Variants in PTPN4 observed in about 807,000 individuals in gnomAD.
PTPN4 encodes protein tyrosine phosphatase non-receptor type 4.
A neutral mutation model predicts 135.5 loss-of-function variants in PTPN4; 49 were observed. That is an observed-to-expected ratio of 0.36 (90% CI 0.29 to 0.46). PTPN4 has a LOEUF of 0.46. PTPN4 is among the 20% of genes least tolerant of loss of function. The pLI, the probability that PTPN4 is intolerant of heterozygous loss-of-function variation, is 1.00. For synonymous variants in PTPN4, 333 were observed against 369.9 expected (o/e 0.90, Z 1.14); for missense variants, 860 against 1,101.0 (o/e 0.78, Z 3.10).
In PTPN4 at chr2:119,984,127, A is replaced by G. The variant is rs999799978; in HGVS notation, c.*7057A>G. 8.5e-5 allele frequency among the ~76,000 whole-genome samples: 13 copies of G among 152,218 alleles called. No homozygotes were observed. Among genetic ancestry groups the G allele is most frequent in the African/African-American group, 2.9e-4 (12 of 41,456 alleles). ...GTGTTCTCCAGCATCAGGACATTAC[A>G]GTTGTAATCTATGTTGTAATCTTTT... On this transcript the variant is annotated 3_prime_UTR_variant, in exon 27 of 27. Coordinates refer to ENST00000263708, the MANE Select transcript of PTPN4 (RefSeq NM_002830.4).
At position 119,760,530 on chromosome 2, in the gene PTPN4, AAAACAAAC is replaced by A. The variant is rs146701090; in HGVS notation, c.-18+162_-18+169del. ...ATTTGAAAGGAAGGAAAAAAGGACA[AAAACAAAC>A]AAACAAACAAACAAAAAAACGCTTT... On this transcript the variant is annotated intron_variant, in intron 1 of 26. Transcript: ENST00000263708. 2.2e-3 allele frequency: 843 copies of A among 377,884 alleles called. 1 individual carries two copies. The highest frequency in any genetic ancestry group is 3.1e-3 in the Non-Finnish European group (664 of 213,546). The allele number at this position is 377,884 out of a possible 1,614,324, so 23.4% of individuals were successfully genotyped here.
rs142745501 is a variant in PTPN4 at position 119,804,357 on chromosome 2, G to C, written c.-17-5480G>C. ...AAGTTTGTTACATAGGTATACATGT[G>C]CCATGTTTGTTTGCTGCACCCATTA... On this transcript the variant is annotated intron_variant, in intron 1 of 26. Transcript: ENST00000263708. 3.9e-4 allele frequency among the ~76,000 whole-genome samples: 59 copies of C among 152,076 alleles called. No individual in the cohort carries two copies. The East Asian group carries it at 9.7e-3, about 25-fold the overall frequency.
At chr2:119,921,437 C>T (rs1024459089) in intron 12 of PTPN4, among the ~76,000 whole-genome samples, 23 of 152,060 alleles carry the variant, frequency 1.5e-4, no homozygotes, top group African/African-American at 4.3e-4. Context: ...TTGTAATCTC[C>T]GTAAAAATAA....
intron 25 of PTPN4, among the ~76,000 whole-genome samples, chr2:119,967,561 T>G (rs1209754954): frequency 1.3e-5 from 2 of 152,238 alleles, no homozygotes; most frequent in African/African-American, 4.8e-5. Context: ...CCAGTAAGCT[T>G]CTATTCCTTG....
At chr2:119,808,530 C>CCCT (rs1691523126) in intron 1 of PTPN4, among the ~76,000 whole-genome samples, 2 of 152,148 alleles carry the variant, frequency 1.3e-5, no homozygotes, top group African/African-American at 4.8e-5. Flanking sequence ...TGTGAAGGAC[C>CCCT]TGTTCAAGGA....
chr2:119,839,649 G>A (rs58796227), intron 2 of PTPN4, among the ~76,000 whole-genome samples: 3,325 of 152,260 alleles, frequency 0.022, 117 homozygotes, highest in African/African-American at 0.075. Context: ...AAGTGTTCAA[G>A]TATTTCTTAT....
In PTPN4 at chr2:119,969,552, CTTTTTTTTTT is replaced by C. The variant is rs35531556; in HGVS notation, c.2694+1595_2694+1604del. Among the ~76,000 whole-genome samples the C allele has an allele frequency of 1.3e-4, 15 of 113,898 alleles. No homozygotes were observed. The Admixed American group carries it at 1.4e-3, about 11-fold the overall frequency. The allele number at this position is 113,898 out of a possible 152,430, so 74.7% of individuals were successfully genotyped here. A position where few individuals can be genotyped will look rare whatever the true frequency, so the allele number is the denominator to read the frequency against. ...AATTATCAAGAAATGTAATCAATTT[CTTTTTTTTTT>C]TTTTTTTTTTTTTTGAGACGGAGTC... On this transcript the variant is annotated intron_variant, in intron 26 of 26. Transcript: ENST00000263708.
At chr2:119,866,019 C>T (rs1413237573) in intron 3 of PTPN4, among the ~76,000 whole-genome samples, 2 of 152,098 alleles carry the variant, frequency 1.3e-5, no homozygotes, top group East Asian at 3.9e-4. Context: ...ATTTCTCCTG[C>T]TTTAATTTAA....
intron 2 of PTPN4, among the ~76,000 whole-genome samples, chr2:119,839,470 G>A (rs867142711): frequency 3.3e-5 from 5 of 152,170 alleles, no homozygotes; most frequent in Admixed American, 2.0e-4. Flanking sequence ...ATTACTAAAT[G>A]TTGCCTTTGT....
chr2:119,891,746 A>G (rs1465112663), intron 9 of PTPN4, among the ~76,000 whole-genome samples: 1 of 152,210 alleles, frequency 6.6e-6, no homozygotes, highest in African/African-American at 2.4e-5. Flanking sequence ...TTTCAAGTCA[A>G]TAATTTGAAT....
Position 119,973,655 on chromosome 2 carries a change from GTTTTTTTTTT to G in PTPN4, c.2695-3311_2695-3302del, listed in dbSNP as rs70949378. 8.1e-4 allele frequency among the ~76,000 whole-genome samples: 31 copies of G among 38,392 alleles called. No homozygotes were observed. In the South Asian group the frequency reaches 0.023, roughly 28 times the overall value. 25.2% of individuals were successfully genotyped at this position (38,392 alleles called of 152,430 possible). A position where few individuals can be genotyped will look rare whatever the true frequency, so the allele number is the denominator to read the frequency against. Reference sequence around the variant, plus strand: ...TTGAAAGCTTCCTCCTTCATTTCTTGTTTTTTTTTTTTTTTTTTTTTTTTTTTGGTAATTT... The same window carrying G: ...TTGAAAGCTTCCTCCTTCATTTCTTGTTTTTTTTTTTTTTTTTGGTAATTT... On this transcript the variant is annotated intron_variant, in intron 26 of 26. Transcript: ENST00000263708.
At chr2:119,846,376 C>T (rs1029234136) in intron 2 of PTPN4, among the ~76,000 whole-genome samples, 3 of 152,042 alleles carry the variant, frequency 2.0e-5, no homozygotes, top group Non-Finnish European at 2.9e-5. Context: ...CGACCTTTAG[C>T]GTTATAAAAT....
At chr2:119,949,693 A>G (rs1679184775) in intron 18 of PTPN4, among the ~76,000 whole-genome samples, 1 of 152,126 alleles carries the variant, frequency 6.6e-6, no homozygotes, top group South Asian at 2.1e-4. Context: ...AAATTTTTAA[A>G]TTCACCAGAT....
At chr2:119,817,675 A>G (rs547374283) in intron 2 of PTPN4, among the ~76,000 whole-genome samples, 1 of 152,260 alleles carries the variant, frequency 6.6e-6, no homozygotes, top group Admixed American at 6.5e-5. Flanking sequence ...TATGAATTTT[A>G]AAATAGTTTT....
In PTPN4 at chr2:119,760,129, C is replaced by T. The variant is rs1016014795; in HGVS notation, c.-273C>T. The T allele has an allele frequency of 2.6e-5, 10 of 391,298 alleles. No homozygotes were observed. The highest frequency in any genetic ancestry group is 4.1e-5 in the Non-Finnish European group (9 of 221,824). The allele number at this position is 391,298 out of a possible 1,614,324, so 24.2% of individuals were successfully genotyped here. A position where few individuals can be genotyped will look rare whatever the true frequency, so the allele number is the denominator to read the frequency against. On this transcript the variant is annotated 5_prime_UTR_variant, in exon 1 of 27. Coordinates refer to ENST00000263708, the MANE Select transcript of PTPN4 (RefSeq NM_002830.4). Reference sequence around the variant, plus strand: ...CTTTTGGGGGTGTGGATTATCTCATCCCTGCAGGGAGGTAGGAGAGGTCGC... The same window carrying T: ...CTTTTGGGGGTGTGGATTATCTCATTCCTGCAGGGAGGTAGGAGAGGTCGC...
At chr2:119,903,859 A>G (rs1027840820) in intron 10 of PTPN4, among the ~76,000 whole-genome samples, 4 of 152,078 alleles carry the variant, frequency 2.6e-5, no homozygotes, top group Middle Eastern at 3.4e-3. Flanking sequence ...CTTCACCACA[A>G]CCTCTACACC....
chr2:119,801,456 T>A (rs1691366149), intron 1 of PTPN4, among the ~76,000 whole-genome samples: 1 of 152,188 alleles, frequency 6.6e-6, no homozygotes, highest in Non-Finnish European at 1.5e-5. Context: ...GGGATTTTGA[T>A]AGAAATTACA....
intron 10 of PTPN4, among the ~76,000 whole-genome samples, chr2:119,911,794 T>C (rs1678575672): frequency 6.6e-6 from 1 of 152,116 alleles, no homozygotes; most frequent in African/African-American, 2.4e-5. Context: ...GTAGTAAGCA[T>C]TAAGGAGACT....
intron 22 of PTPN4, among the ~76,000 whole-genome samples, chr2:119,959,822 A>G (rs773038837): frequency 6.6e-6 from 1 of 152,174 alleles, no homozygotes; most frequent in Non-Finnish European, 1.5e-5. Flanking sequence ...TTTGCTGTCA[A>G]ATGAGCACAG....
Sources: gnomAD v4.1 joint callset for allele counts (sites outside exome capture counted in the v4.1 genomes callset) on GRCh38, gnomAD v4.1.1 for gene constraint, MANE v1.5 for transcripts, NCBI Gene and HGNC (gene_info 2026-07-23, HGNC 2026-07-21) for gene names.